Variants in CEP85L observed in about 807,000 individuals in gnomAD.
The protein encoded by CEP85L is centrosomal protein of 85 kDa-like.
CEP85L carries 60 observed loss-of-function variants against 100.3 expected under a neutral mutation model. The ratio of observed to expected loss-of-function variants is 0.60; its 90% CI spans 0.49 to 0.74. The LOEUF is 0.74. Ranked by LOEUF, CEP85L falls within the 30% of genes least tolerant of loss-of-function variation. CEP85L has a pLI of 0.00. For missense variants in CEP85L, 973 were observed against 936.2 expected, an observed-to-expected ratio of 1.04 and a Z score of -0.51; for synonymous variants, 319 against 322.7, an observed-to-expected ratio of 0.99 and a Z score of 0.12.
At chr6:118,526,747 T>C (rs1172373147) in intron 3 of CEP85L, among the ~76,000 whole-genome samples, 1 of 152,194 alleles carries the variant, frequency 6.6e-6, no homozygotes, top group Non-Finnish European at 1.5e-5. Flanking sequence ...CATAATACAT[T>C]AGAATACTAA....
chr6:118,632,954 T>G (rs1392430488), intron 1 of CEP85L, among the ~76,000 whole-genome samples: 1 of 152,194 alleles, frequency 6.6e-6, no homozygotes, highest in Non-Finnish European at 1.5e-5. Context: ...GTGGCATCTG[T>G]GATTATACAT....
intron 3 of CEP85L, among the ~76,000 whole-genome samples, chr6:118,557,750 A>G (rs1024208230): frequency 2.6e-5 from 4 of 152,222 alleles, no homozygotes; most frequent in Non-Finnish European, 4.4e-5. Context: ...AAAAATTGGT[A>G]AAGTCTACGG....
intron 1 of CEP85L, among the ~76,000 whole-genome samples, chr6:118,641,292 C>T (rs372955501): frequency 6.6e-6 from 1 of 152,282 alleles, no homozygotes; most frequent in African/African-American, 2.4e-5. Flanking sequence ...TTTTTAACAT[C>T]ATTCCAAGAG....
At chr6:118,632,323 C>T in intron 2 of CEP85L, 130 bp downstream of exon 2, 1 of 767,360 alleles carries the variant, frequency 1.3e-6, no homozygotes, top group Non-Finnish European at 2.0e-6. Flanking sequence ...TATACAGCAA[C>T]ACTGAACATT....
At chr6:118,575,954 C>G (rs1029773948) in intron 2 of CEP85L, among the ~76,000 whole-genome samples, 3 of 152,124 alleles carry the variant, frequency 2.0e-5, no homozygotes, top group Admixed American at 2.0e-4. Context: ...GACCACCTTA[C>G]CCACTGGGTA....
At chr6:118,637,147 T>C (rs576325619) in intron 1 of CEP85L, among the ~76,000 whole-genome samples, 1 of 152,342 alleles carries the variant, frequency 6.6e-6, no homozygotes, top group South Asian at 2.1e-4. Context: ...CTATCTGTTA[T>C]CTAACTTTTA....
chr6:118,523,100 A>G (rs1776758837), intron 4 of CEP85L, among the ~76,000 whole-genome samples: 2 of 152,192 alleles, frequency 1.3e-5, no homozygotes. Flanking sequence ...AATTACGAGC[A>G]CTGGTTAAGA....
chr6:118,538,191 T>C (rs987034347), intron 3 of CEP85L, among the ~76,000 whole-genome samples: 4 of 152,012 alleles, frequency 2.6e-5, no homozygotes, highest in Non-Finnish European at 4.4e-5. Flanking sequence ...CCCTTCCTAT[T>C]ATACTGAAGT....
intron 2 of CEP85L, among the ~76,000 whole-genome samples, chr6:118,608,307 A>G (rs1197555351): frequency 6.6e-6 from 1 of 152,154 alleles, no homozygotes; most frequent in Non-Finnish European, 1.5e-5. Flanking sequence ...CATCCTGGCT[A>G]ACACGGTGAA....
intron 5 of CEP85L, among the ~76,000 whole-genome samples, chr6:118,507,775 A>G (rs1775741233): frequency 6.6e-6 from 1 of 152,162 alleles, no homozygotes; most frequent in South Asian, 2.1e-4. Context: ...TTAGTTCATC[A>G]GGTTCTCAAA....
At chr6:118,491,273 T>C (rs1193625640) in intron 6 of CEP85L, among the ~76,000 whole-genome samples, 1 of 151,906 alleles carries the variant, frequency 6.6e-6, no homozygotes, top group Non-Finnish European at 1.5e-5. Flanking sequence ...TGTCTGTGTA[T>C]TTGGTTTTTA....
chr6:118,502,194 G>A, intron 5 of CEP85L: 1 of 879,020 alleles, frequency 1.1e-6, no homozygotes, highest in Admixed American at 2.4e-5. Flanking sequence ...TAACTCCAGG[G>A]TTATATTTGA....
At chr6:118,505,796 T>C (rs999433059) in intron 5 of CEP85L, among the ~76,000 whole-genome samples, 1 of 152,188 alleles carries the variant, frequency 6.6e-6, no homozygotes, top group Admixed American at 6.5e-5. Context: ...CTCTGCATGA[T>C]ACGATAATGG....
At chr6:118,601,175 C>T (rs1781767800) in intron 2 of CEP85L, among the ~76,000 whole-genome samples, 1 of 152,144 alleles carries the variant, frequency 6.6e-6, no homozygotes, top group Admixed American at 6.5e-5. Flanking sequence ...CAGTGCCTAC[C>T]TCATATGGTT....
intron 1 of CEP85L, among the ~76,000 whole-genome samples, chr6:118,669,719 C>A (rs1209307503): frequency 1.3e-5 from 2 of 151,886 alleles, no homozygotes; most frequent in African/African-American, 4.8e-5. Context: ...TAGGCTATTA[C>A]CTCTGGAGAC....
In CEP85L at chr6:118,529,608, CAAAAAAAAAAAA is replaced by C. The variant is rs55732442; in HGVS notation, c.1021-5700_1021-5689del. ...GGGCGACAGAGCGAGACTCTGTCTC[CAAAAAAAAAAAA>C]AAAAAAAAAAAAAAAATTCTTACTA... On this transcript the variant is annotated intron_variant, in intron 3 of 12. Transcript: ENST00000368491. Among the ~76,000 whole-genome samples, 135 of 92,520 alleles carry C rather than the reference CAAAAAAAAAAAA, an allele frequency of 1.5e-3. 1 individual carries two copies. In the East Asian group the frequency reaches 0.03, roughly 21 times the overall value. The allele number at this position is 92,520 out of a possible 152,430, so 60.7% of individuals were successfully genotyped here.
chr6:118,604,591 C>T (rs9489460), intron 2 of CEP85L, among the ~76,000 whole-genome samples: 24,787 of 152,140 alleles, frequency 0.16, 2,160 homozygotes, highest in Non-Finnish European at 0.19. Context: ...TTAACTTTTA[C>T]GTTTGGTGAA....
intron 3 of CEP85L, among the ~76,000 whole-genome samples, chr6:118,555,822 C>T (rs766563344): frequency 5.3e-5 from 8 of 149,876 alleles, no homozygotes; most frequent in Non-Finnish European, 8.8e-5. Flanking sequence ...CTCAAGTAGA[C>T]CCCAGCGTCT....
At chr6:118,699,669 C>CTAT (rs995198507) in intron 1 of CEP85L, among the ~76,000 whole-genome samples, 10 of 151,570 alleles carry the variant, frequency 6.6e-5, no homozygotes, top group East Asian at 1.9e-4. Context: ...AGCTCTAGTG[C>CTAT]TATTATTATT....
Sources: allele counts gnomAD v4.1 joint callset (sites outside exome capture counted in the v4.1 genomes callset), GRCh38; gene constraint gnomAD v4.1.1; transcripts MANE v1.5; gene names NCBI Gene and HGNC (gene_info 2026-07-23, HGNC 2026-07-21).